POU3F1: variants seen among roughly 807,000 people sequenced by gnomAD.
POU3F1 encodes POU class 3 homeobox 1.
In POU3F1, 1 loss-of-function variant was observed where a neutral mutation model predicts 7.6. The ratio of observed to expected loss-of-function variants is 0.13; its 90% CI spans 0.05 to 0.62. POU3F1 has a LOEUF of 0.62. Among genes scored for constraint, POU3F1 ranks in the 20% least tolerant of loss-of-function variants. POU3F1 has a pLI of 0.87. For synonymous variants in POU3F1, 354 were observed against 339.0 expected, an observed-to-expected ratio of 1.04 and a Z score of -0.49; for missense variants, 505 against 679.3, an observed-to-expected ratio of 0.74 and a Z score of 2.85.
chr1:38,046,644 C>CATGCAAT lies in POU3F1; in HGVS notation c.99_100insATTGCAT (p.Ala34IlefsTer255). On this transcript the variant is annotated frameshift_variant, in exon 1 of 1. Coordinates refer to ENST00000373012, the MANE Select transcript of POU3F1 (RefSeq NM_002699.4). LOFTEE classifies it low-confidence loss of function (END_TRUNC). This position sits in a 1 kb window ranked among gnomAD's most constrained non-coding sequence, Gnocchi z 9.5. ...GCATGCAATCGCTCCGCGGCCGCCG[C>CATGCAAT]CGCCGCCGCCGCCGCCGCGGCGTCC... is the stretch of plus-strand genomic sequence containing the variant. 7.7e-7 allele frequency: 1 copy of CATGCAAT among 1,304,556 alleles called. No homozygotes were observed. The allele number at this position is 1,304,556 out of a possible 1,614,324, so 80.8% of individuals were successfully genotyped here.
At position 38,044,874 on chromosome 1, in the gene POU3F1, G is replaced by C. The variant is rs1646849317; in HGVS notation, c.*514C>G. On this transcript the variant is annotated 3_prime_UTR_variant, in exon 1 of 1. Transcript: ENST00000373012. ...CCGGAGAAAGGGGAAAGCGGGGTGG[G>C]GCGCATCCTTATAGGAGAGAAGAGG... 6.6e-6 allele frequency: 1 copy of C among 152,220 alleles called. No individual in the cohort carries two copies. Among genetic ancestry groups the C allele is most frequent in the Non-Finnish European group, 1.5e-5 (1 of 68,054 alleles). The allele number at this position is 152,220 out of a possible 1,614,324, so 9.4% of individuals were successfully genotyped here.
chr1:38,046,670 G>A lies in POU3F1; in HGVS notation c.74C>T (p.Pro25Leu), dbSNP rs1646865071. 1 of 1,255,548 alleles carries A rather than the reference G, an allele frequency of 8.0e-7. No individual in the cohort carries two copies. Among genetic ancestry groups the A allele is most frequent in the Non-Finnish European group, 1.0e-6 (1 of 1,002,208 alleles). 77.8% of individuals were successfully genotyped at this position (1,255,548 alleles called of 1,614,324 possible). The change falls in exon 1 of 1, where the codon CCG becomes CTG. Residue 25 changes from proline (P) to leucine (L), a missense_variant. This residue lies in a region of POU3F1 where 361 missense variants were observed against 382.1 expected (regional missense o/e 0.94). Transcript: ENST00000373012. The surrounding 1 kb of genome is among the most constrained non-coding windows in gnomAD (Gnocchi z 9.5). ...GAGGTGPLMH[P>L]DAAAAAAAAA... Reference sequence around the variant, plus strand: ...CGCCGCCGCCGCCGCCGCGGCGTCCGGGTGCATAAGCGGCCCGGTGCCCCC... The same window carrying A: ...CGCCGCCGCCGCCGCCGCGGCGTCCAGGTGCATAAGCGGCCCGGTGCCCCC...
rs1388227419 is a variant in POU3F1, at chr1:38,046,106, T to G, written c.638A>C (p.His213Pro). The G allele has an allele frequency of 7.2e-7, 1 of 1,391,666 alleles. No homozygotes were observed. The highest frequency in any genetic ancestry group is 9.3e-7 in the Non-Finnish European group (1 of 1,076,218). 86.2% of individuals were successfully genotyped at this position (1,391,666 alleles called of 1,614,324 possible). A position where few individuals can be genotyped will look rare whatever the true frequency, so the allele number is the denominator to read the frequency against. The change falls in exon 1 of 1, where the codon CAC becomes CCC. Residue 213 changes from histidine to proline, a missense_variant. Coordinates refer to ENST00000373012, the MANE Select transcript of POU3F1 (RefSeq NM_002699.4). This position sits in a 1 kb window ranked among gnomAD's most constrained non-coding sequence, Gnocchi z 9.5. ...SPPPHLGAHG[H>P]AHGHAHAGGL... The stretch of plus-strand genomic sequence containing the variant: ...GCCCGCGTGTGCATGTCCGTGTGCG[T>G]GTCCGTGGGCGCCCAGATGCGGCGG...
chr1:38,046,175 G>T lies in POU3F1; in HGVS notation c.569C>A (p.Ala190Glu). 3.0e-6 allele frequency: 4 copies of T among 1,341,322 alleles called. No individual in the cohort carries two copies. Among genetic ancestry groups the T allele is most frequent in the Non-Finnish European group, 3.8e-6 (4 of 1,047,200 alleles). 83.1% of individuals were successfully genotyped at this position (1,341,322 alleles called of 1,614,324 possible). ...CGCCTCGTGGCCATCCTCGTGCAGCGCGTGGTGCAGGCCCGGCCCCGCGCC... is the reference window on the plus strand; with the variant it reads ...CGCCTCGTGGCCATCCTCGTGCAGCTCGTGGTGCAGGCCCGGCCCCGCGCC... The part of the protein sequence containing the change: ...GGGAGPGLHH[A>E]LHEDGHEAQL... The change falls in exon 1 of 1, where the codon GCG becomes GAG. Residue 190 changes from alanine to glutamate, a missense_variant. Physicochemically the swap from Ala to Glu is moderately radical, Grantham distance 107. Around this residue, in one of 5 missense-constraint regions of POU3F1, gnomAD observed 361 missense variants for 382.1 expected, o/e 0.94. Coordinates refer to ENST00000373012, the MANE Select transcript of POU3F1 (RefSeq NM_002699.4). This position sits in a 1 kb window ranked among gnomAD's most constrained non-coding sequence, Gnocchi z 9.5.
Position 38,046,638 on chromosome 1 carries a change from C to T in POU3F1, c.106G>A (p.Ala36Thr). The T allele has an allele frequency of 8.5e-7, 1 of 1,169,802 alleles. No homozygotes were observed. The highest frequency in any genetic ancestry group is 1.1e-6 in the Non-Finnish European group (1 of 929,338). 72.5% of individuals were successfully genotyped at this position (1,169,802 alleles called of 1,614,324 possible). A position where few individuals can be genotyped will look rare whatever the true frequency, so the allele number is the denominator to read the frequency against. The part of the protein sequence containing the change: ...DAAAAAAAAA[A>T]AERLHAGAAY... The stretch of plus-strand genomic sequence containing the variant: ...GCCCCTGCATGCAATCGCTCCGCGG[C>T]CGCCGCCGCCGCCGCCGCCGCCGCG... The change falls in exon 1 of 1, where the codon GCC (alanine) becomes ACC (threonine). Residue 36 changes from alanine (A) to threonine (T), a missense_variant. Ala to Thr is a moderately conservative substitution (Grantham distance 58, BLOSUM62 0). Coordinates refer to ENST00000373012, the MANE Select transcript of POU3F1 (RefSeq NM_002699.4). The surrounding 1 kb of genome is among the most constrained non-coding windows in gnomAD (Gnocchi z 9.5).
chr1:38,046,679 A>C lies in POU3F1; in HGVS notation c.65T>G (p.Leu22Arg). Residue 22 changes from leucine (L) to arginine (R), a missense_variant, in exon 1 of 1, where the codon CTT becomes CGT. Around this residue, in one of 5 missense-constraint regions of POU3F1, gnomAD observed 361 missense variants for 382.1 expected, o/e 0.94. Coordinates refer to ENST00000373012, the MANE Select transcript of POU3F1 (RefSeq NM_002699.4). The surrounding 1 kb of genome is among the most constrained non-coding windows in gnomAD (Gnocchi z 9.5). ...CGCCGCCGCGGCGTCCGGGTGCATA[A>C]GCGGCCCGGTGCCCCCGGCTCCGCC... is the stretch of plus-strand genomic sequence containing the variant. Reference protein sequence around the residue: ...PGGGAGGTGPLMHPDAAAAAA... With the variant: ...PGGGAGGTGPRMHPDAAAAAA... 8.1e-7 allele frequency: 1 copy of C among 1,229,578 alleles called. No homozygotes were observed. Among genetic ancestry groups the C allele is most frequent in the Non-Finnish European group, 1.0e-6 (1 of 989,652 alleles). The allele number at this position is 1,229,578 out of a possible 1,614,324, so 76.2% of individuals were successfully genotyped here. A position where few individuals can be genotyped will look rare whatever the true frequency, so the allele number is the denominator to read the frequency against.
At position 38,045,291 on chromosome 1, in the gene POU3F1, T is replaced by G; in HGVS notation, c.*97A>C. 9 of 341,196 alleles carry G rather than the reference T, an allele frequency of 2.6e-5. No individual in the cohort carries two copies. The highest frequency in any genetic ancestry group is 3.8e-5 in the Non-Finnish European group (9 of 235,516). The allele number at this position is 341,196 out of a possible 1,614,324, so 21.1% of individuals were successfully genotyped here. A position where few individuals can be genotyped will look rare whatever the true frequency, so the allele number is the denominator to read the frequency against. Reference sequence around the variant, plus strand: ...GTTTCTGGGCTTTTTTTTTTTTTTGTAAAATCCAAAGCAACCGAACAAAAA... The same window carrying G: ...GTTTCTGGGCTTTTTTTTTTTTTTGGAAAATCCAAAGCAACCGAACAAAAA... On this transcript the variant is annotated 3_prime_UTR_variant, in exon 1 of 1. Coordinates refer to ENST00000373012, the MANE Select transcript of POU3F1 (RefSeq NM_002699.4). This position sits in a 1 kb window ranked among gnomAD's most constrained non-coding sequence, Gnocchi z 9.4.
In POU3F1 at chr1:38,045,152, T is replaced by G. The variant is rs1570514357; in HGVS notation, c.*236A>C. The G allele has an allele frequency of 1.3e-5, 2 of 159,750 alleles. No homozygotes were observed. The highest frequency in any genetic ancestry group is 3.8e-4 in the East Asian group (2 of 5,328). 9.9% of individuals were successfully genotyped at this position (159,750 alleles called of 1,614,324 possible). Reference sequence around the variant, plus strand: ...CGGCGGGCAGGATGCCCGGGGTGAGTTGGCGAGTTCCGGATCTTCGCTCCT... The same window carrying G: ...CGGCGGGCAGGATGCCCGGGGTGAGGTGGCGAGTTCCGGATCTTCGCTCCT... On this transcript the variant is annotated 3_prime_UTR_variant, in exon 1 of 1. Transcript: ENST00000373012. This position sits in a 1 kb window ranked among gnomAD's most constrained non-coding sequence, Gnocchi z 9.4.
At position 38,044,706 on chromosome 1, in the gene POU3F1, A is replaced by G. The variant is rs1169437613; in HGVS notation, c.*682T>C. On this transcript the variant is annotated 3_prime_UTR_variant, in exon 1 of 1. Transcript: ENST00000373012. The stretch of plus-strand genomic sequence containing the variant: ...CTTTGGCTATTTCCTGCTTTTATAC[A>G]CAGACGCGGCTCTCGCGACCTCCCC... 6.6e-6 allele frequency: 1 copy of G among 151,830 alleles called. No individual in the cohort carries two copies. Among genetic ancestry groups the G allele is most frequent in the East Asian group, 1.9e-4 (1 of 5,156 alleles). 9.4% of individuals were successfully genotyped at this position (151,830 alleles called of 1,614,324 possible).
chr1:38,046,548 C>A lies in POU3F1; in HGVS notation c.196G>T (p.Val66Leu). ...EWLGAGAGHP[V>L]GLAHPQWLPT... is the part of the protein sequence containing the mutation. ...AGCCACTGGGGGTGCGCTAGGCCCA[C>A]GGGGTGGCCCGCGCCCGCGCCCAGC... The change falls in exon 1 of 1, where the codon GTG (valine) becomes TTG (leucine). Residue 66 changes from valine (V) to leucine (L), a missense_variant. Physicochemically the swap from Val to Leu is conservative, Grantham distance 32 (BLOSUM62 1). This residue lies in a region of POU3F1 where 361 missense variants were observed against 382.1 expected (regional missense o/e 0.94). Transcript: ENST00000373012. The surrounding 1 kb of genome is among the most constrained non-coding windows in gnomAD (Gnocchi z 9.5). 1.5e-6 allele frequency: 2 copies of A among 1,368,166 alleles called. No homozygotes were observed. The highest frequency in any genetic ancestry group is 9.4e-7 in the Non-Finnish European group (1 of 1,059,102). The allele number at this position is 1,368,166 out of a possible 1,614,324, so 84.8% of individuals were successfully genotyped here.
Position 38,046,426 on chromosome 1 carries a change from G to T in POU3F1, c.318C>A (p.Gly106=), listed in dbSNP as rs1335540790. ...GCGCGTGGAAACCTCCGCCGCCGCC[G>T]CCGTCGTCGGCTCGGCCGGTGCCGC... is the stretch of plus-strand genomic sequence containing the variant. ...GGGGTGRADD[G]GGGGGFHARL... is the part of the protein sequence containing the mutation. The change falls in exon 1 of 1, where the codon GGC becomes GGA. Residue 106 remains glycine, a synonymous_variant. Transcript: ENST00000373012. The surrounding 1 kb of genome is among the most constrained non-coding windows in gnomAD (Gnocchi z 9.5). 2 of 1,293,146 alleles carry T rather than the reference G, an allele frequency of 1.5e-6. No individual in the cohort carries two copies. The highest frequency in any genetic ancestry group is 1.6e-5 in the African/African-American group (1 of 62,982). The allele number at this position is 1,293,146 out of a possible 1,614,324, so 80.1% of individuals were successfully genotyped here.
rs1646862211 is a variant in POU3F1 at position 38,046,419 on chromosome 1, CGCCGCCGCCGTCGTCGGCTCGGCCGGT to C, written c.298_324del (p.Thr100_Gly108del). On this transcript the variant is annotated inframe_deletion, in exon 1 of 1. Transcript: ENST00000373012. The surrounding 1 kb of genome is among the most constrained non-coding windows in gnomAD (Gnocchi z 9.5). ...ACCAGGCGCGCGTGGAAACCTCCGC[CGCCGCCGCCGTCGTCGGCTCGGCCGGT>C]GCCGCCGCCGCCTGCCTTGCCGTGT... The C allele has an allele frequency of 7.8e-7, 1 of 1,286,922 alleles. No individual in the cohort carries two copies. Among genetic ancestry groups the C allele is most frequent in the Non-Finnish European group, 9.8e-7 (1 of 1,019,012 alleles). The allele number at this position is 1,286,922 out of a possible 1,614,324, so 79.7% of individuals were successfully genotyped here. A position where few individuals can be genotyped will look rare whatever the true frequency, so the allele number is the denominator to read the frequency against.
rs1323985493 is a variant in POU3F1 at position 38,045,859 on chromosome 1, G to A, written c.885C>T (p.Arg295=). Residue 295 remains arginine (R), a synonymous_variant, in exon 1 of 1, where the codon CGC becomes CGT. Coordinates refer to ENST00000373012, the MANE Select transcript of POU3F1 (RefSeq NM_002699.4). The surrounding 1 kb of genome is among the most constrained non-coding windows in gnomAD (Gnocchi z 9.4). ...GNVFSQTTIC[R]FEALQLSFKN... is the part of the protein sequence containing the mutation. ...TGAAGCTCAGCTGCAGGGCCTCGAA[G>A]CGGCAGATGGTGGTCTGCGAGAACA... is the stretch of plus-strand genomic sequence containing the variant. The A allele has an allele frequency of 4.3e-6, 7 of 1,613,888 alleles. No individual in the cohort carries two copies. Among genetic ancestry groups the A allele is most frequent in the Non-Finnish European group, 5.9e-6 (7 of 1,180,026 alleles).
In POU3F1 at chr1:38,046,549, G is replaced by A. The variant is rs1485224568; in HGVS notation, c.195C>T (p.Pro65=). The part of the protein sequence containing the change: ...HEWLGAGAGH[P]VGLAHPQWLP... Reference sequence around the variant, plus strand: ...GCCACTGGGGGTGCGCTAGGCCCACGGGGTGGCCCGCGCCCGCGCCCAGCC... The same window carrying A: ...GCCACTGGGGGTGCGCTAGGCCCACAGGGTGGCCCGCGCCCGCGCCCAGCC... Residue 65 remains proline, a synonymous_variant, in exon 1 of 1, where the codon CCC becomes CCT. Transcript: ENST00000373012. The surrounding 1 kb of genome is among the most constrained non-coding windows in gnomAD (Gnocchi z 9.5). The A allele has an allele frequency of 3.7e-6, 5 of 1,369,534 alleles. No homozygotes were observed. Among genetic ancestry groups the A allele is most frequent in the African/African-American group, 1.5e-5 (1 of 65,280 alleles). The allele number at this position is 1,369,534 out of a possible 1,614,324, so 84.8% of individuals were successfully genotyped here. A position where few individuals can be genotyped will look rare whatever the true frequency, so the allele number is the denominator to read the frequency against.
rs376666397 is a variant in POU3F1, at chr1:38,045,634, G to A, written c.1110C>T (p.Thr370=). Residue 370 remains threonine (T), a synonymous_variant, in exon 1 of 1, where the codon ACC becomes ACT. Coordinates refer to ENST00000373012, the MANE Select transcript of POU3F1 (RefSeq NM_002699.4). This position sits in a 1 kb window ranked among gnomAD's most constrained non-coding sequence, Gnocchi z 9.4. Reference sequence around the variant, plus strand: ...CCAGCTGCAGGCTGTCTGCCAAGCCGGTGATCTCGTGCGCCGAGGGCTTGG... The same window carrying A: ...CCAGCTGCAGGCTGTCTGCCAAGCCAGTGATCTCGTGCGCCGAGGGCTTGG... ...KCPKPSAHEI[T]GLADSLQLEK... 9.3e-6 allele frequency: 15 copies of A among 1,613,512 alleles called. No homozygotes were observed. The highest frequency in any genetic ancestry group is 3.3e-5 in the South Asian group (3 of 91,020).
In POU3F1 at chr1:38,046,564, C is replaced by A. The variant is rs1181244506; in HGVS notation, c.180G>T (p.Ala60=). 2 of 1,374,962 alleles carry A rather than the reference C, an allele frequency of 1.5e-6. No individual in the cohort carries two copies. Among genetic ancestry groups the A allele is most frequent in the East Asian group, 3.2e-5 (1 of 31,208 alleles). The allele number at this position is 1,374,962 out of a possible 1,614,324, so 85.2% of individuals were successfully genotyped here. Residue 60 remains alanine (A), a synonymous_variant, in exon 1 of 1, where the codon GCG becomes GCT. Transcript: ENST00000373012. This position sits in a 1 kb window ranked among gnomAD's most constrained non-coding sequence, Gnocchi z 9.5. ...QKLMHHEWLG[A]GAGHPVGLAH... ...CTAGGCCCACGGGGTGGCCCGCGCC[C>A]GCGCCCAGCCACTCGTGGTGCATCA... is the stretch of plus-strand genomic sequence containing the variant.
rs1224410897 is a variant in POU3F1, at chr1:38,046,259, G to A, written c.485C>T (p.Ala162Val). Reference sequence around the variant, plus strand: ...GCCGCCGCCGCCCCCCGGGTAGGCCGCCTGCGCGTACAGCCCGAGCGGCTG... The same window carrying A: ...GCCGCCGCCGCCCCCCGGGTAGGCCACCTGCGCGTACAGCCCGAGCGGCTG... ...QPQPLGLYAQ[A>V]AYPGGGGGGL... is the part of the protein sequence containing the mutation. Residue 162 changes from alanine to valine, a missense_variant, in exon 1 of 1, where the codon GCG becomes GTG. Transcript: ENST00000373012. The surrounding 1 kb of genome is among the most constrained non-coding windows in gnomAD (Gnocchi z 9.5). 1 of 1,088,916 alleles carries A rather than the reference G, an allele frequency of 9.2e-7. No individual in the cohort carries two copies. The highest frequency in any genetic ancestry group is 1.1e-6 in the Non-Finnish European group (1 of 902,714). 67.5% of individuals were successfully genotyped at this position (1,088,916 alleles called of 1,614,324 possible).
In POU3F1 at chr1:38,045,504, G is replaced by C; in HGVS notation, c.1240C>G (p.Pro414Ala). 1 of 1,571,006 alleles carries C rather than the reference G, an allele frequency of 6.4e-7. No individual in the cohort carries two copies. The highest frequency in any genetic ancestry group is 8.6e-7 in the Non-Finnish European group (1 of 1,159,986). ...CCCCCGCCAGGCCCTAGCTCCCCAG[G>C]CGCGTATACATCGTCCATGGGCGGG... is the stretch of plus-strand genomic sequence containing the variant. ...GHPPMDDVYA[P>A]GELGPGGGGA... Residue 414 changes from proline (P) to alanine (A), a missense_variant, in exon 1 of 1, where the codon CCT becomes GCT. Coordinates refer to ENST00000373012, the MANE Select transcript of POU3F1 (RefSeq NM_002699.4). The surrounding 1 kb of genome is among the most constrained non-coding windows in gnomAD (Gnocchi z 9.4).
Position 38,046,062 on chromosome 1 carries a change from C to A in POU3F1, c.682G>T (p.Ala228Ser). The A allele has an allele frequency of 6.8e-7, 1 of 1,480,740 alleles. No homozygotes were observed. The highest frequency in any genetic ancestry group is 8.9e-7 in the Non-Finnish European group (1 of 1,124,358). 91.7% of individuals were successfully genotyped at this position (1,480,740 alleles called of 1,614,324 possible). A position where few individuals can be genotyped will look rare whatever the true frequency, so the allele number is the denominator to read the frequency against. Residue 228 changes from alanine (A) to serine (S), a missense_variant, in exon 1 of 1, where the codon GCG (alanine) becomes TCG (serine). Physicochemically the swap from Ala to Ser is moderately conservative, Grantham distance 99 (BLOSUM62 1). Around this residue, in one of 5 missense-constraint regions of POU3F1, gnomAD observed 361 missense variants for 382.1 expected, o/e 0.94. Coordinates refer to ENST00000373012, the MANE Select transcript of POU3F1 (RefSeq NM_002699.4). This position sits in a 1 kb window ranked among gnomAD's most constrained non-coding sequence, Gnocchi z 9.5. ...CCGCCCGCGCCCGGGTGCAGGTGCG[C>A]CGCCGCCGCGTGCAGGCCGCCCGCG... ...AHAGGLHAAA[A>S]HLHPGAGGGG...
Sources: allele counts gnomAD v4.1 joint callset, GRCh38; gene constraint gnomAD v4.1.1; regional missense constraint gnomAD v4.1.1; non-coding constraint Gnocchi (gnomAD v3.1); transcripts MANE v1.5; gene names NCBI Gene and HGNC (gene_info 2026-07-23, HGNC 2026-07-21).